Variants in LMO1 observed in about 807,000 individuals in gnomAD.
LMO1 encodes rhombotin-1.
A neutral mutation model predicts 18.0 loss-of-function variants in LMO1; 10 were observed. The ratio of observed to expected loss-of-function variants is 0.55; its 90% CI spans 0.34 to 0.94. The LOEUF is 0.94. LMO1 is among the 40% of genes least tolerant of loss of function. The pLI, the probability that LMO1 is intolerant of heterozygous loss-of-function variation, is 0.02. For missense variants in LMO1, 183 were observed against 205.7 expected (o/e 0.89, Z 0.68); for synonymous variants, 77 against 77.9 (o/e 0.99, Z 0.06).
intron 1 of LMO1, among the ~76,000 whole-genome samples, chr11:8,237,040 G>A (rs1235889939): frequency 6.6e-6 from 1 of 152,166 alleles, no homozygotes; most frequent in East Asian, 1.9e-4. Context: ...GCCTGAAGAT[G>A]GAAGGAAATG....
intron 1 of LMO1, among the ~76,000 whole-genome samples, chr11:8,231,629 C>T (rs540939552): frequency 8.5e-5 from 13 of 152,278 alleles, no homozygotes; most frequent in Admixed American, 3.9e-4. Context: ...GTGCATGCTC[C>T]GTTCCTGACC....
At chr11:8,250,838 A>T (rs1219625525) in intron 1 of LMO1, among the ~76,000 whole-genome samples, 1 of 152,268 alleles carries the variant, frequency 6.6e-6, no homozygotes, top group Non-Finnish European at 1.5e-5. Flanking sequence ...TTCCCCAGCC[A>T]TAAAAGGATG....
intron 1 of LMO1, among the ~76,000 whole-genome samples, chr11:8,253,863 G>A (rs911430977): frequency 5.9e-5 from 9 of 152,122 alleles, no homozygotes; most frequent in South Asian, 2.1e-4. Flanking sequence ...ATATTAAAAT[G>A]TCAGGAGTTT....
chr11:8,225,168 C>T (rs921437558), intron 3 of LMO1, among the ~76,000 whole-genome samples: 17 of 151,898 alleles, frequency 1.1e-4, no homozygotes, highest in Non-Finnish European at 2.9e-5. Flanking sequence ...AATCCCAACA[C>T]TTTGGGAGGC....
Position 8,224,552 on chromosome 11 carries a change from G to A in LMO1, c.*64C>T. 2.0e-6 allele frequency: 2 copies of A among 1,014,066 alleles called. No individual in the cohort carries two copies. The allele number at this position is 1,014,066 out of a possible 1,614,324, so 62.8% of individuals were successfully genotyped here. ...CCTGCACTGGTAGAGTGGCTGGCTG[G>A]CCGGCCAGGCAGGTGGGCAGGCGGG... On this transcript the variant is annotated 3_prime_UTR_variant, in exon 4 of 4. Transcript: ENST00000335790.
upstream of LMO1, among the ~76,000 whole-genome samples, chr11:8,267,983 C>T (rs952059466): frequency 9.9e-5 from 15 of 152,252 alleles, no homozygotes; most frequent in African/African-American, 3.4e-4. Context: ...ACCCCCACCA[C>T]CCCGCTGGGA....
At chr11:8,262,293 A>G (rs1300360924) in intron 1 of LMO1, among the ~76,000 whole-genome samples, 1 of 152,062 alleles carries the variant, frequency 6.6e-6, no homozygotes, top group African/African-American at 2.4e-5. Flanking sequence ...CAGCGTGGGC[A>G]CCAACAGTCA....
intron 1 of LMO1, among the ~76,000 whole-genome samples, chr11:8,243,969 C>A (rs1381132948): frequency 3.3e-5 from 5 of 152,204 alleles, no homozygotes; most frequent in Admixed American, 3.3e-4. Flanking sequence ...TGACAAGATT[C>A]TTTGAGATCA....
At chr11:8,225,075 G>A (rs545432767) in intron 3 of LMO1, among the ~76,000 whole-genome samples, 2 of 152,198 alleles carry the variant, frequency 1.3e-5, no homozygotes, top group African/African-American at 4.8e-5. Context: ...GGGAGAAAGG[G>A]AAAGCACAAA....
chr11:8,263,210 G>T (rs1847218364), intron 1 of LMO1, 128 bp downstream of exon 1: 1 of 822,426 alleles, frequency 1.2e-6, no homozygotes, highest in Non-Finnish European at 1.7e-6. Context: ...GGCCCCCAGC[G>T]CGCCGCCCGC....
At chr11:8,251,368 C>T in intron 1 of LMO1, among the ~76,000 whole-genome samples, 1 of 152,202 alleles carries the variant, frequency 6.6e-6, no homozygotes, top group East Asian at 1.9e-4. Flanking sequence ...CTCCACCCTG[C>T]TCCCACGTGA....
chr11:8,239,783 C>T (rs893873247), intron 1 of LMO1, among the ~76,000 whole-genome samples: 1 of 152,202 alleles, frequency 6.6e-6, no homozygotes, highest in Non-Finnish European at 1.5e-5. Flanking sequence ...CAAGCTTCTC[C>T]TGCACGCTAG....
At chr11:8,231,241 C>T (rs1028983343) in intron 1 of LMO1, among the ~76,000 whole-genome samples, 5 of 152,330 alleles carry the variant, frequency 3.3e-5, no homozygotes, top group African/African-American at 9.6e-5. Flanking sequence ...GCCATCAGTC[C>T]CTCCCAGGGC....
chr11:8,234,002 G>C (rs890737875), intron 1 of LMO1, among the ~76,000 whole-genome samples: 34 of 152,270 alleles, frequency 2.2e-4, no homozygotes, highest in East Asian at 1.9e-4. Flanking sequence ...TTTCACAATG[G>C]ATGATGTTTG....
intron 1 of LMO1, among the ~76,000 whole-genome samples, chr11:8,241,661 C>T (rs1185048408): frequency 6.6e-6 from 1 of 152,164 alleles, no homozygotes; most frequent in Non-Finnish European, 1.5e-5. Flanking sequence ...GCTTAAATGT[C>T]ATCTCCTCAG....
intron 1 of LMO1, among the ~76,000 whole-genome samples, chr11:8,262,428 C>T (rs1847201494): frequency 1.3e-5 from 2 of 152,180 alleles, no homozygotes; most frequent in Admixed American, 6.5e-5. Context: ...ACTTGGCTTT[C>T]CCCCCAAGGG....
rs544814994 is a variant in LMO1 at position 8,262,992 on chromosome 11, G to A, written c.25+346C>T. ...AGCAGCCTCAGACACGAAATGCTCA[G>A]AGCGAACCTCCGCGGCGCGGAGATC... On this transcript the variant is annotated intron_variant, in intron 1 of 3. Coordinates refer to ENST00000335790, the MANE Select transcript of LMO1 (RefSeq NM_002315.3). 9.8e-3 allele frequency among the ~76,000 whole-genome samples: 1,488 copies of A among 152,264 alleles called. 24 individuals carry two copies. The highest frequency in any genetic ancestry group is 0.034 in the African/African-American group (1,407 of 41,562).
At chr11:8,242,610 G>C (rs866933865) in intron 1 of LMO1, among the ~76,000 whole-genome samples, 1 of 152,168 alleles carries the variant, frequency 6.6e-6, no homozygotes, top group Non-Finnish European at 1.5e-5. Flanking sequence ...ACGGGATGCC[G>C]CTTGAAGCTG....
Position 8,252,615 on chromosome 11 carries a change from C to CA in LMO1, c.25+10722dup, listed in dbSNP as rs376590903. On this transcript the variant is annotated intron_variant, in intron 1 of 3. Transcript: ENST00000335790. Reference sequence around the variant, plus strand: ...GCAGACACTGTCTTTCAATGGCTTTCAGGAAGCAGGCAGCCACGTTGGAGA... The same window carrying CA: ...GCAGACACTGTCTTTCAATGGCTTTCAAGGAAGCAGGCAGCCACGTTGGAGA... Among the ~76,000 whole-genome samples, 442 of 152,370 alleles carry CA rather than the reference C, an allele frequency of 2.9e-3. 3 individuals carry two copies. The highest frequency in any genetic ancestry group is 0.017 in the Middle Eastern group (5 of 294).
Sources: allele counts gnomAD v4.1 joint callset (sites outside exome capture counted in the v4.1 genomes callset), GRCh38; gene constraint gnomAD v4.1.1; transcripts MANE v1.5; gene names NCBI Gene and HGNC (gene_info 2026-07-23, HGNC 2026-07-21).